The following DPP6 variants were observed in gnomAD, a reference collection of about 807,000 sequenced individuals.
DPP6 encodes dipeptidyl peptidase like 6, also known as A-type potassium channel modulatory protein DPP6.
Under a neutral mutation model 122.6 loss-of-function variants are expected in DPP6, and 69 were observed. The observed-to-expected ratio is 0.56, with a 90% CI of 0.46 to 0.69. DPP6 has a LOEUF of 0.69. Ranked by LOEUF, DPP6 falls within the 30% of genes least tolerant of loss-of-function variation. The pLI, the probability that DPP6 is intolerant of heterozygous loss-of-function variation, is 0.00. For missense variants in DPP6, 928 were observed against 1,116.9 expected, an observed-to-expected ratio of 0.83 and a Z score of 2.41; for synonymous variants, 418 against 433.1, an observed-to-expected ratio of 0.97 and a Z score of 0.43.
intron 1 of DPP6, among the ~76,000 whole-genome samples, chr7:154,438,343 G>T (rs1168348468): frequency 6.6e-6 from 1 of 151,334 alleles, no homozygotes; most frequent in African/African-American, 2.4e-5. Context: ...GGTGGCGGGA[G>T]CCTGTAGTCC....
intron 1 of DPP6, among the ~76,000 whole-genome samples, chr7:153,962,739 C>G (rs186225667): frequency 6.6e-6 from 1 of 152,308 alleles, no homozygotes; most frequent in East Asian, 1.9e-4. Flanking sequence ...CTATCATCCA[C>G]CCATGTGGAA....
At chr7:154,844,644 T>C (rs1801809546) in intron 16 of DPP6, among the ~76,000 whole-genome samples, 1 of 152,176 alleles carries the variant, frequency 6.6e-6, no homozygotes, top group South Asian at 2.1e-4. Context: ...GTAGTGGGCA[T>C]GCATCCCCTG....
At chr7:154,637,306 C>A in intron 5 of DPP6, among the ~76,000 whole-genome samples, 1 of 152,258 alleles carries the variant, frequency 6.6e-6, no homozygotes, top group East Asian at 1.9e-4. Context: ...CTCTTGAAAC[C>A]AAAAGATGCA....
In DPP6 at chr7:153,935,648, A is replaced by G. The variant is rs73494385; in HGVS notation, c.51+47914A>G. Among the ~76,000 whole-genome samples the G allele has an allele frequency of 5.6e-3, 849 of 152,222 alleles. 9 individuals carry two copies. Among genetic ancestry groups the G allele is most frequent in the African/African-American group, 0.02 (814 of 41,526 alleles). ...TTACAGCAGCCCTGGGAGGTGTGCG[A>G]CCTTGGTCCCCTCTACAAATGAGGA... is the stretch of plus-strand genomic sequence containing the variant. On this transcript the variant is annotated intron_variant, in intron 1 of 25. Transcript: ENST00000404039.
intron 1 of DPP6, among the ~76,000 whole-genome samples, chr7:154,300,231 C>T (rs1805816386): frequency 6.6e-6 from 1 of 152,202 alleles, no homozygotes; most frequent in South Asian, 2.1e-4. Context: ...TACCTATGCC[C>T]AGTGACTACA....
chr7:154,305,620 A>G, intron 1 of DPP6: 1 of 1,541,490 alleles, frequency 6.5e-7, no homozygotes, highest in Non-Finnish European at 8.8e-7. Context: ...ATGTGTGTGC[A>G]TGAGAGAGAC....
chr7:154,638,818 C>T (rs994341558), intron 6 of DPP6, among the ~76,000 whole-genome samples: 2 of 152,182 alleles, frequency 1.3e-5, no homozygotes, highest in African/African-American at 4.8e-5. Context: ...CCTCTTCCCT[C>T]CTCCTTCCCT....
intron 1 of DPP6, among the ~76,000 whole-genome samples, chr7:154,411,898 G>C (rs978118623): frequency 5.3e-5 from 8 of 152,042 alleles, no homozygotes; most frequent in Admixed American, 4.6e-4. Flanking sequence ...TTCGTTTCAG[G>C]AAAGTGGATT....
intron 1 of DPP6, among the ~76,000 whole-genome samples, chr7:154,237,522 G>A (rs1354307216): frequency 6.6e-6 from 1 of 152,156 alleles, no homozygotes; most frequent in Non-Finnish European, 1.5e-5. Flanking sequence ...TCAGCCAGGT[G>A]CCTGGCCCCC....
At chr7:154,060,943 C>A (rs1249396280) in intron 1 of DPP6, among the ~76,000 whole-genome samples, 4 of 147,898 alleles carry the variant, frequency 2.7e-5, no homozygotes, top group African/African-American at 7.4e-5. Context: ...GGCATAGGAC[C>A]CCCATCGTTG....
At chr7:154,398,098 CATA>C (rs1240914822) in intron 1 of DPP6, among the ~76,000 whole-genome samples, 2 of 152,150 alleles carry the variant, frequency 1.3e-5, no homozygotes, top group African/African-American at 4.8e-5. Context: ...CCTAGATGTA[CATA>C]ATGCGTCAGG....
At chr7:154,684,250 C>T (rs888200783) in intron 7 of DPP6, among the ~76,000 whole-genome samples, 1 of 152,088 alleles carries the variant, frequency 6.6e-6, no homozygotes, top group African/African-American at 2.4e-5. Context: ...TGCTCTGTCC[C>T]CTGCCACTCT....
chr7:154,450,031 A>C (rs1288322394), intron 2 of DPP6, among the ~76,000 whole-genome samples: 3 of 151,040 alleles, frequency 2.0e-5, no homozygotes, highest in Non-Finnish European at 4.4e-5. Context: ...TAAATAAATA[A>C]ATAAATAAAT....
At chr7:153,805,342 G>C in the DPP6 span, among the ~76,000 whole-genome samples, 1 of 152,146 alleles carries the variant, frequency 6.6e-6, no homozygotes, top group Non-Finnish European at 1.5e-5. Context: ...CAGAGAGTAA[G>C]CCTCAGGAAA....
At chr7:153,884,688 ATGTT>A (rs1798844157), upstream of DPP6, among the ~76,000 whole-genome samples, 2 of 152,088 alleles carry the variant, frequency 1.3e-5, no homozygotes, top group South Asian at 4.1e-4. Context: ...GTTAAAAAAT[ATGTT>A]TGTCGGCCGG....
At chr7:154,887,911 G>A (rs978367307) in intron 23 of DPP6, among the ~76,000 whole-genome samples, 177 bp downstream of exon 23, 1 of 152,152 alleles carries the variant, frequency 6.6e-6, no homozygotes, top group Non-Finnish European at 1.5e-5. Context: ...AGTGGATTGA[G>A]GTTAACATGG....
Position 154,712,733 on chromosome 7 carries a change from C to T in DPP6, c.763-15034C>T, listed in dbSNP as rs182382033. On this transcript the variant is annotated intron_variant, in intron 7 of 25. Coordinates refer to ENST00000377770, the MANE Select transcript of DPP6 (RefSeq NM_130797.4). ...GGAAAACACCCCATGATTCAATTAT[C>T]TCTACCTGGTCCGTCTGAAGACACA... Among the ~76,000 whole-genome samples the T allele has an allele frequency of 4.1e-3, 620 of 152,292 alleles. 1 individual carries two copies. The highest frequency in any genetic ancestry group is 0.014 in the African/African-American group (570 of 41,560).
chr7:154,492,108 A>T (rs141905885), intron 3 of DPP6, among the ~76,000 whole-genome samples: 52 of 152,324 alleles, frequency 3.4e-4, no homozygotes, highest in Non-Finnish European at 5.9e-5. Flanking sequence ...TTGTTAGATG[A>T]CTTGGGATCA....
chr7:154,795,655 G>A (rs1036799778), intron 11 of DPP6, among the ~76,000 whole-genome samples, 190 bp from the exon 12 acceptor site: 9 of 152,094 alleles, frequency 5.9e-5, no homozygotes, highest in Non-Finnish European at 8.8e-5. Flanking sequence ...AGCCACGCAC[G>A]AGACAAAGAG....
Sources: gnomAD v4.1 joint callset for allele counts (sites outside exome capture counted in the v4.1 genomes callset) on GRCh38, gnomAD v4.1.1 for gene constraint, MANE v1.5 for transcripts, NCBI Gene and HGNC (gene_info 2026-07-23, HGNC 2026-07-21) for gene names.